Variants in UBE2B observed in about 807,000 individuals in gnomAD.
UBE2B encodes ubiquitin conjugating enzyme E2 B.
UBE2B carries 11 observed loss-of-function variants against 24.6 expected under a neutral mutation model. That is an observed-to-expected ratio of 0.45 (90% confidence interval 0.28 to 0.74). The LOEUF (loss-of-function observed/expected upper bound fraction) is 0.74. Ranked by LOEUF, UBE2B falls within the 30% of genes least tolerant of loss-of-function variation. The pLI is 0.13. For synonymous variants in UBE2B, 68 were observed against 62.4 expected, an observed-to-expected ratio of 1.09 and a Z score of -0.42; for missense variants, 78 against 185.6, an observed-to-expected ratio of 0.42 and a Z score of 3.37.
chr5:134,385,700 TA>T (rs1194301034), intron 4 of UBE2B: 3 of 151,954 alleles, frequency 2.0e-5, no homozygotes, highest in African/African-American at 7.3e-5. Flanking sequence ...AAATAAATCA[TA>T]AACACAAGGA....
chr5:134,375,033 G>T (rs1295735360), intron 2 of UBE2B, among the ~76,000 whole-genome samples: 1 of 152,104 alleles, frequency 6.6e-6, no homozygotes, highest in African/African-American at 2.4e-5. Flanking sequence ...ATCTCTTGGG[G>T]TTTTACTTTT....
chr5:134,390,635 C>T lies in UBE2B; in HGVS notation c.*282C>T. 1 of 298,576 alleles carries T rather than the reference C, an allele frequency of 3.3e-6. No individual in the cohort carries two copies. The highest frequency in any genetic ancestry group is 6.4e-6 in the Non-Finnish European group (1 of 156,546). 18.5% of individuals were successfully genotyped at this position (298,576 alleles called of 1,614,324 possible). A position where few individuals can be genotyped will look rare whatever the true frequency, so the allele number is the denominator to read the frequency against. On this transcript the variant is annotated 3_prime_UTR_variant, in exon 6 of 6. Coordinates refer to ENST00000265339, the MANE Select transcript of UBE2B (RefSeq NM_003337.4). The surrounding 1 kb of genome is among the most constrained non-coding windows in gnomAD (Gnocchi z 4.6). ...TGTGGAGTTTTCATGACAGAATATA[C>T]ACATTTTGTAAATCTGTACTTTTTT...
At chr5:134,388,476 A>C in intron 5 of UBE2B, 63 bp downstream of exon 5, 1 of 1,447,122 alleles carries the variant, frequency 6.9e-7, no homozygotes, top group Non-Finnish European at 9.7e-7. Flanking sequence ...TCAGCTCCTT[A>C]GCACACAGGT....
intron 4 of UBE2B, among the ~76,000 whole-genome samples, chr5:134,384,228 T>C (rs1005329647): frequency 6.6e-6 from 1 of 152,186 alleles, no homozygotes; most frequent in African/African-American, 2.4e-5. Flanking sequence ...GAATACATTA[T>C]AGAGCTCCCT....
rs1758877023 is a variant in UBE2B, at chr5:134,390,082, T to C, written c.331-143T>C. ...ATTTATCAAATCATTTCTAAAAGTATTTAGACCCAAAATTATATGACATGT... is the reference window on the plus strand; with the variant it reads ...ATTTATCAAATCATTTCTAAAAGTACTTAGACCCAAAATTATATGACATGT... On this transcript the variant is annotated intron_variant, in intron 5 of 5. Transcript: ENST00000265339. The surrounding 1 kb of genome is among the most constrained non-coding windows in gnomAD (Gnocchi z 4.6). 3 of 1,001,802 alleles carry C rather than the reference T, an allele frequency of 3.0e-6. No homozygotes were observed. The highest frequency in any genetic ancestry group is 2.8e-5 in the South Asian group (2 of 72,192). 62.1% of individuals were successfully genotyped at this position (1,001,802 alleles called of 1,614,324 possible).
intron 4 of UBE2B, among the ~76,000 whole-genome samples, chr5:134,382,356 A>C (rs760383174): frequency 6.6e-5 from 10 of 152,122 alleles, no homozygotes; most frequent in Admixed American, 2.6e-4. Context: ...ATGGAGGCTG[A>C]GGTGAGAGGA....
At chr5:134,373,625 C>T (rs1758536973) in intron 1 of UBE2B, among the ~76,000 whole-genome samples, 1 of 152,126 alleles carries the variant, frequency 6.6e-6, no homozygotes, top group Non-Finnish European at 1.5e-5. Context: ...CTAATGGTAT[C>T]CCTCCTTTCT....
chr5:134,382,736 C>T (rs1333804751), intron 4 of UBE2B, among the ~76,000 whole-genome samples: 3 of 149,098 alleles, frequency 2.0e-5, no homozygotes, highest in South Asian at 2.1e-4. Flanking sequence ...ATTGTGCCAC[C>T]GCTCTCCATC....
intron 4 of UBE2B, among the ~76,000 whole-genome samples, chr5:134,382,326 A>G (rs1758721807): frequency 6.6e-6 from 1 of 151,902 alleles, no homozygotes; most frequent in Non-Finnish European, 1.5e-5. Flanking sequence ...GGTGGCGCAC[A>G]CCTGTAGTCT....
In UBE2B at chr5:134,373,565, A is replaced by G. The variant is rs373501436; in HGVS notation, c.45-818A>G. Among the ~76,000 whole-genome samples, 37 of 152,200 alleles carry G rather than the reference A, an allele frequency of 2.4e-4. 1 individual carries two copies. The highest frequency in any genetic ancestry group is 2.1e-3 in the South Asian group (10 of 4,828). ...TGTTACATATGTATACACATGTGCCATGTTGGTGTGCTGCACCCATTAACT... is the reference window on the plus strand; with the variant it reads ...TGTTACATATGTATACACATGTGCCGTGTTGGTGTGCTGCACCCATTAACT... On this transcript the variant is annotated intron_variant, in intron 1 of 5. Transcript: ENST00000265339.
chr5:134,383,473 C>CTATTTTTTTTTTT lies in UBE2B; in HGVS notation c.241+2666_241+2667insATTTTTTTTTTTT, dbSNP rs1554114519. Among the ~76,000 whole-genome samples the CTATTTTTTTTTTT allele has an allele frequency of 8.7e-5, 7 of 80,042 alleles. 1 individual carries two copies. Among genetic ancestry groups the CTATTTTTTTTTTT allele is most frequent in the African/African-American group, 2.7e-4 (5 of 18,438 alleles). 52.5% of individuals were successfully genotyped at this position (80,042 alleles called of 152,430 possible). ...TGCAGATGTGTGCCACCATACCCAG[C>CTATTTTTTTTTTT]TTTTTTTTTTTTTTTTTTTTTTTTT... is the stretch of plus-strand genomic sequence containing the variant. On this transcript the variant is annotated intron_variant, in intron 4 of 5. Coordinates refer to ENST00000265339, the MANE Select transcript of UBE2B (RefSeq NM_003337.4).
chr5:134,381,561 T>C (rs35952887), intron 4 of UBE2B, among the ~76,000 whole-genome samples: 22,155 of 152,186 alleles, frequency 0.15, 2,009 homozygotes, highest in African/African-American at 0.25. Flanking sequence ...AATGGGCCAT[T>C]TTTTCCAGCC....
intron 2 of UBE2B, chr5:134,374,679 C>T (rs1385008017): frequency 3.7e-6 from 2 of 535,066 alleles, no homozygotes; most frequent in Admixed American, 3.1e-5. Flanking sequence ...CCCAGGAGTT[C>T]ACCAGCCTGG....
At chr5:134,373,015 C>G (rs1360537489) in intron 1 of UBE2B, among the ~76,000 whole-genome samples, 3 of 152,156 alleles carry the variant, frequency 2.0e-5, no homozygotes, top group Non-Finnish European at 4.4e-5. Context: ...CTGTAATGCT[C>G]TGCTTAATTC....
intron 5 of UBE2B, among the ~76,000 whole-genome samples, chr5:134,389,319 T>G (rs1375048545): frequency 6.6e-6 from 1 of 152,138 alleles, no homozygotes; most frequent in Admixed American, 6.6e-5. Flanking sequence ...ATGTATATGT[T>G]TTGTTGATTA....
At chr5:134,373,102 A>G (rs2149689455) in intron 1 of UBE2B, among the ~76,000 whole-genome samples, 1 of 152,286 alleles carries the variant, frequency 6.6e-6, no homozygotes, top group South Asian at 2.1e-4. Flanking sequence ...CGAATGTTGG[A>G]AAGCCTTGTG....
At position 134,390,636 on chromosome 5, in the gene UBE2B, A is replaced by G. The variant is rs1343800696; in HGVS notation, c.*283A>G. Reference sequence around the variant, plus strand: ...GTGGAGTTTTCATGACAGAATATACACATTTTGTAAATCTGTACTTTTTTC... The same window carrying G: ...GTGGAGTTTTCATGACAGAATATACGCATTTTGTAAATCTGTACTTTTTTC... On this transcript the variant is annotated 3_prime_UTR_variant, in exon 6 of 6. Transcript: ENST00000265339. This position sits in a 1 kb window ranked among gnomAD's most constrained non-coding sequence, Gnocchi z 4.6. 3.4e-6 allele frequency: 1 copy of G among 294,258 alleles called. No homozygotes were observed. Among genetic ancestry groups the G allele is most frequent in the East Asian group, 7.7e-5 (1 of 12,908 alleles). The allele number at this position is 294,258 out of a possible 1,614,324, so 18.2% of individuals were successfully genotyped here.
Position 134,380,717 on chromosome 5 carries a change from A to G in UBE2B, c.152-2A>G. On this transcript the variant is annotated splice_acceptor_variant, in intron 3 of 5. Coordinates refer to ENST00000265339, the MANE Select transcript of UBE2B (RefSeq NM_003337.4). LOFTEE classifies it high-confidence loss of function. ...ACTATAATTATTTTGTTTTCTCTCT[A>G]GGTACTTTTAAACTAGTAATAGAAT... The G allele has an allele frequency of 6.7e-7, 1 of 1,496,250 alleles. No homozygotes were observed. Among genetic ancestry groups the G allele is most frequent in the Non-Finnish European group, 9.3e-7 (1 of 1,074,614 alleles). 92.7% of individuals were successfully genotyped at this position (1,496,250 alleles called of 1,614,324 possible).
intron 2 of UBE2B, among the ~76,000 whole-genome samples, chr5:134,374,884 G>GTGTGCCATGAT (rs903340256): frequency 6.6e-6 from 1 of 152,106 alleles, no homozygotes; most frequent in Admixed American, 6.5e-5. Context: ...TGAGGCTGCA[G>GTGTGCCATGAT]TGTGCCATGA....
Sources: gnomAD v4.1 joint callset for allele counts (sites outside exome capture counted in the v4.1 genomes callset) on GRCh38, gnomAD v4.1.1 for gene constraint, Gnocchi (gnomAD v3.1) non-coding constraint, MANE v1.5 for transcripts, NCBI Gene and HGNC (gene_info 2026-07-23, HGNC 2026-07-21) for gene names.